ADAMTS9: variants seen among roughly 807,000 people sequenced by gnomAD.
ADAMTS9 encodes the protein ADAM metallopeptidase with thrombospondin type 1 motif 9.
Under a neutral mutation model 257.1 loss-of-function variants are expected in ADAMTS9, and 107 were observed. The ratio of observed to expected loss-of-function variants is 0.42; its 90% confidence interval spans 0.36 to 0.49. The LOEUF (loss-of-function observed/expected upper bound fraction) is 0.49, where lower values mean the gene tolerates loss of function less well. Among genes scored for constraint, ADAMTS9 ranks in the 20% least tolerant of loss-of-function variants. The probability of loss-of-function intolerance (pLI) is 0.03; values close to 1 mark genes in which losing one functional copy is unlikely to be tolerated. For synonymous variants in ADAMTS9, 982 were observed against 880.9 expected (o/e 1.11, Z -2.03); for missense variants, 2,353 against 2,469.1 (o/e 0.95, Z 1.00).
At chr3:64,584,598 A>G (rs559703451) in intron 28 of ADAMTS9, among the ~76,000 whole-genome samples, 1 of 152,168 alleles carries the variant, frequency 6.6e-6, no homozygotes, top group South Asian at 2.1e-4. Context: ...GAAAAAACAC[A>G]CTCTGAATAC....
At position 64,577,472 on chromosome 3, in the gene ADAMTS9, G is replaced by A. The variant is rs376508380; in HGVS notation, c.4357-8937C>T. ...CTATGCCTGCCATGGGATTATTTAT[G>A]AAAGCCGTCTGGAAGACAGGGAGGG... is the stretch of plus-strand genomic sequence containing the variant. On this transcript the variant is annotated intron_variant, in intron 28 of 39. Transcript: ENST00000498707. 2.5e-4 allele frequency among the ~76,000 whole-genome samples: 38 copies of A among 152,334 alleles called. No homozygotes were observed. The South Asian group carries it at 7.7e-3, about 31-fold the overall frequency.
intron 30 of ADAMTS9, among the ~76,000 whole-genome samples, chr3:64,558,186 C>T (rs1053560514): frequency 6.6e-6 from 1 of 152,154 alleles, no homozygotes; most frequent in Non-Finnish European, 1.5e-5. Flanking sequence ...TATTTGGCAT[C>T]GGATTAGTGA....
At chr3:64,682,704 T>C (rs763006073) in intron 2 of ADAMTS9, among the ~76,000 whole-genome samples, 2 of 152,212 alleles carry the variant, frequency 1.3e-5, no homozygotes, top group South Asian at 2.1e-4. Context: ...AGGAGCTTAT[T>C]AGAAATTCAA....
intron 38 of ADAMTS9, 25 bp from the exon 39 acceptor site, chr3:64,522,285 C>T (rs1031665440): frequency 1.2e-5 from 20 of 1,608,440 alleles, no homozygotes; most frequent in Non-Finnish European, 1.6e-5. Flanking sequence ...ATCATGTTAG[C>T]CTGCCTGCTT....
At chr3:64,611,338 G>A (rs1315132597) in intron 22 of ADAMTS9, among the ~76,000 whole-genome samples, 1 of 152,164 alleles carries the variant, frequency 6.6e-6, no homozygotes, top group African/African-American at 2.4e-5. Context: ...CTACAATATA[G>A]ATGAATCTAG....
chr3:64,639,150 CA>C (rs1252229988), intron 12 of ADAMTS9, among the ~76,000 whole-genome samples: 2 of 152,004 alleles, frequency 1.3e-5, no homozygotes, highest in African/African-American at 4.8e-5. Flanking sequence ...TTTCTCTTTT[CA>C]AATTGACTCC....
At chr3:64,517,752 A>G (rs934282594) in intron 39 of ADAMTS9, among the ~76,000 whole-genome samples, 1 of 152,094 alleles carries the variant, frequency 6.6e-6, no homozygotes, top group African/African-American at 2.4e-5. Context: ...AATATTGTAT[A>G]TACGTGCTAT....
At chr3:64,580,478 A>T (rs1251206439) in intron 28 of ADAMTS9, among the ~76,000 whole-genome samples, 3 of 152,116 alleles carry the variant, frequency 2.0e-5, no homozygotes, top group African/African-American at 7.2e-5. Context: ...TTTTTACCCA[A>T]ATATGAGGAT....
Position 64,631,879 on chromosome 3 carries a change from T to C in ADAMTS9, c.2222A>G (p.Lys741Arg). 6.2e-7 allele frequency: 1 copy of C among 1,614,008 alleles called. No individual in the cohort carries two copies. The highest frequency in any genetic ancestry group is 8.5e-7 in the Non-Finnish European group (1 of 1,179,952). Residue 741 changes from lysine (K) to arginine (R), a missense_variant, in exon 15 of 40, where the codon AAA (lysine) becomes AGA (arginine). Lys to Arg is a conservative substitution (Grantham distance 26). Transcript: ENST00000498707. ...HVLNSKARRD[K>R]CGVCGGDNSS... ...ATTATCGCCACCACAAACCCCACAT[T>C]TATCTCTCCGGGCTTTTGAGTTTAA...
chr3:64,669,810 C>A (rs1020465484), intron 3 of ADAMTS9, among the ~76,000 whole-genome samples: 1 of 152,150 alleles, frequency 6.6e-6, no homozygotes, highest in East Asian at 1.9e-4. Flanking sequence ...ACAGTCTACA[C>A]ATCTCCATTA....
chr3:64,525,540 G>A (rs185648028), intron 38 of ADAMTS9, among the ~76,000 whole-genome samples: 1 of 151,718 alleles, frequency 6.6e-6, no homozygotes, highest in Non-Finnish European at 1.5e-5. Context: ...TGAAAACAAT[G>A]GATAATCTCA....
At chr3:64,573,940 A>G (rs901166146) in intron 28 of ADAMTS9, among the ~76,000 whole-genome samples, 4 of 152,232 alleles carry the variant, frequency 2.6e-5, no homozygotes, top group African/African-American at 4.8e-5. Context: ...GGGGCTTACC[A>G]CATGGAAAAA....
At chr3:64,547,287 G>A (rs1464891960) in intron 31 of ADAMTS9, among the ~76,000 whole-genome samples, 1 of 152,062 alleles carries the variant, frequency 6.6e-6, no homozygotes, top group Non-Finnish European at 1.5e-5. Context: ...CAGCCCAACT[G>A]CACAGGTTGG....
intron 3 of ADAMTS9, among the ~76,000 whole-genome samples, chr3:64,675,371 G>A (rs1701600404): frequency 6.6e-6 from 1 of 152,192 alleles, no homozygotes; most frequent in African/African-American, 2.4e-5. Flanking sequence ...CAAAGAAGAT[G>A]CTCCAAAAAT....
chr3:64,666,246 T>C (rs1701352116), intron 3 of ADAMTS9, among the ~76,000 whole-genome samples: 1 of 152,222 alleles, frequency 6.6e-6, no homozygotes, highest in East Asian at 1.9e-4. Flanking sequence ...CAGGCCTCGT[T>C]ATTCAGTGGT....
intron 38 of ADAMTS9, 23 bp from the exon 39 acceptor site, chr3:64,522,283 A>G: frequency 2.5e-6 from 4 of 1,609,204 alleles, no homozygotes; most frequent in Non-Finnish European, 3.4e-6. Flanking sequence ...GCATCATGTT[A>G]GCCTGCCTGC....
At chr3:64,581,200 C>T (rs945691998) in intron 28 of ADAMTS9, among the ~76,000 whole-genome samples, 2 of 152,050 alleles carry the variant, frequency 1.3e-5, no homozygotes, top group African/African-American at 4.8e-5. Context: ...TGGCCAATTG[C>T]AAATGGGCAC....
chr3:64,635,930 C>G (rs940316569), intron 12 of ADAMTS9, among the ~76,000 whole-genome samples: 2 of 152,080 alleles, frequency 1.3e-5, no homozygotes, highest in African/African-American at 2.4e-5. Context: ...TTCAAATGTG[C>G]TACAAGGAAG....
intron 3 of ADAMTS9, among the ~76,000 whole-genome samples, chr3:64,678,784 C>T (rs1030896265): frequency 6.6e-6 from 1 of 152,176 alleles, no homozygotes; most frequent in Admixed American, 6.5e-5. Flanking sequence ...GCTGGTGAAT[C>T]GTGCCATATT....
Sources: allele counts gnomAD v4.1 joint callset (sites outside exome capture counted in the v4.1 genomes callset), GRCh38; gene constraint gnomAD v4.1.1; transcripts MANE v1.5; gene names NCBI Gene and HGNC (gene_info 2026-07-23, HGNC 2026-07-21).